The following FAM163B variants were observed in gnomAD, a reference collection of about 807,000 sequenced individuals.
FAM163B encodes the protein protein FAM163B.
In FAM163B, 4 loss-of-function variants were observed where a neutral mutation model predicts 7.6. That is an observed-to-expected ratio of 0.52 (90% CI 0.26 to 1.20). The LOEUF (loss-of-function observed/expected upper bound fraction) is 1.20, where lower values mean the gene tolerates loss of function less well. Among genes scored for constraint, FAM163B ranks in the 50% most tolerant of loss-of-function variants. The pLI, the probability that FAM163B is intolerant of heterozygous loss-of-function variation, is 0.14. For synonymous variants in FAM163B, 120 were observed against 111.6 expected (o/e 1.07, Z -0.47); for missense variants, 250 against 243.0 (o/e 1.03, Z -0.19).
intron 1 of FAM163B, among the ~76,000 whole-genome samples, chr9:133,587,777 C>G (rs113221983): frequency 6.6e-6 from 1 of 151,878 alleles, no homozygotes; most frequent in Non-Finnish European, 1.5e-5. Flanking sequence ...CTGAGGGAGG[C>G]GGGGCACTCA....
rs746205354 is a variant in FAM163B at position 133,579,167 on chromosome 9, TC to T, written c.355del (p.Glu119SerfsTer8). On this transcript the variant is annotated frameshift_variant, in exon 3 of 3. Coordinates refer to ENST00000673969, the MANE Select transcript of FAM163B (RefSeq NM_001080515.3). LOFTEE classifies it high-confidence loss of function. ...EEEEDVLNGG[E>X]RVLYKSVSQE... The stretch of plus-strand genomic sequence containing the variant: ...GCTCACGCTCTTGTAGAGCACGCGC[TC>T]CCCGCCGTTCAGCACGTCCTCTTCC... 1.2e-6 allele frequency: 2 copies of T among 1,610,272 alleles called. No individual in the cohort carries two copies. Among genetic ancestry groups the T allele is most frequent in the Admixed American group, 1.7e-5 (1 of 59,988 alleles).
In FAM163B at chr9:133,577,304, C is replaced by T. The variant is rs1189109743; in HGVS notation, c.*1718G>A. On this transcript the variant is annotated 3_prime_UTR_variant, in exon 3 of 3. Coordinates refer to ENST00000673969, the MANE Select transcript of FAM163B (RefSeq NM_001080515.3). ...CCACCCAGCCCACCCCCCACGCCAA[C>T]GCATCAGAAACAGACTTCACAGGAT... Among the ~76,000 whole-genome samples the T allele has an allele frequency of 3.0e-5, 4 of 131,552 alleles. No homozygotes were observed. Among genetic ancestry groups the T allele is most frequent in the Admixed American group, 2.7e-4 (3 of 11,006 alleles). 86.3% of individuals were successfully genotyped at this position (131,552 alleles called of 152,430 possible).
intron 1 of FAM163B, among the ~76,000 whole-genome samples, chr9:133,581,129 C>G (rs902258651): frequency 5.4e-4 from 83 of 152,320 alleles, no homozygotes; most frequent in African/African-American, 1.9e-3. Context: ...TGGAGTGATG[C>G]TGTCAGTGGC....
chr9:133,592,832 C>T (rs796237263), intron 1 of FAM163B, among the ~76,000 whole-genome samples: 30 of 152,184 alleles, frequency 2.0e-4, no homozygotes, highest in African/African-American at 5.8e-4. Context: ...GGATTCTGAC[C>T]GATGCTGCTG....
At chr9:133,603,779 G>GA (rs1831757978) in intron 1 of FAM163B, among the ~76,000 whole-genome samples, 1 of 152,188 alleles carries the variant, frequency 6.6e-6, no homozygotes, top group Non-Finnish European at 1.5e-5. Flanking sequence ...TGGGGCACCT[G>GA]CTACCTTGCA....
intron 1 of FAM163B, among the ~76,000 whole-genome samples, chr9:133,581,762 G>C (rs1284489882): frequency 1.3e-5 from 2 of 152,160 alleles, no homozygotes; most frequent in African/African-American, 2.4e-5. Flanking sequence ...CTCTAAACTG[G>C]CTTCCTGTTG....
In FAM163B at chr9:133,577,979, G is replaced by C. The variant is rs2131203317; in HGVS notation, c.*1043C>G. ...GGCCAGGCCTCCTAGGTCCTGCTGA[G>C]AAGCAGGTAGGGGAGGTGACCTGCA... On this transcript the variant is annotated 3_prime_UTR_variant, in exon 3 of 3. Transcript: ENST00000673969. 6.6e-6 allele frequency among the ~76,000 whole-genome samples: 1 copy of C among 152,328 alleles called. No individual in the cohort carries two copies. The highest frequency in any genetic ancestry group is 3.4e-3 in the Middle Eastern group (1 of 294).
At chr9:133,608,844 C>T (rs1181413666) in intron 1 of FAM163B, among the ~76,000 whole-genome samples, 1 of 152,240 alleles carries the variant, frequency 6.6e-6, no homozygotes, top group Admixed American at 6.5e-5. Flanking sequence ...AAGTGGGTCC[C>T]CCACCTCTCC....
At chr9:133,583,418 G>A (rs955936237) in intron 1 of FAM163B, among the ~76,000 whole-genome samples, 3 of 152,170 alleles carry the variant, frequency 2.0e-5, no homozygotes, top group African/African-American at 7.2e-5. Context: ...GTGCCAGCCT[G>A]GCTTTGCCTC....
rs1041481880 is a variant in FAM163B, at chr9:133,600,876, A to G, written c.-24+8201T>C. Among the ~76,000 whole-genome samples the G allele has an allele frequency of 1.3e-5, 2 of 152,078 alleles. No homozygotes were observed. The highest frequency in any genetic ancestry group is 4.8e-5 in the African/African-American group (2 of 41,410). ...ACCCCCTTTCCCCTCGCAAATAACA[A>G]TTCATCCAAGGCCATTAACTCAACT... is the stretch of plus-strand genomic sequence containing the variant. On this transcript the variant is annotated intron_variant, in intron 1 of 2. Coordinates refer to ENST00000673969, the MANE Select transcript of FAM163B (RefSeq NM_001080515.3). The surrounding 1 kb of genome is among the most constrained non-coding windows in gnomAD (Gnocchi z 4.9).
At chr9:133,581,664 GTTGT>G (rs1831358712) in intron 1 of FAM163B, among the ~76,000 whole-genome samples, 1 of 152,184 alleles carries the variant, frequency 6.6e-6, no homozygotes, top group Non-Finnish European at 1.5e-5. Flanking sequence ...GAGAAACTGG[GTTGT>G]TTATCTGACA....
intron 1 of FAM163B, among the ~76,000 whole-genome samples, chr9:133,590,263 C>CTTTT (rs1564193742): frequency 1.0e-5 from 1 of 97,434 alleles, no homozygotes; most frequent in Non-Finnish European, 2.3e-5. Flanking sequence ...TCTCTCCTTC[C>CTTTT]TTCCTTTTTT....
intron 1 of FAM163B, among the ~76,000 whole-genome samples, chr9:133,584,799 G>A (rs1831408541): frequency 6.6e-6 from 1 of 152,236 alleles, no homozygotes; most frequent in South Asian, 2.1e-4. Context: ...CTCGGAGGCA[G>A]AGCCATGCGG....
At chr9:133,604,748 G>C (rs553931108) in intron 1 of FAM163B, among the ~76,000 whole-genome samples, 2 of 150,372 alleles carry the variant, frequency 1.3e-5, no homozygotes, top group South Asian at 2.1e-4. Context: ...ATTTCTCACG[G>C]GTTCCTAGGG....
chr9:133,577,710 G>A lies in FAM163B; in HGVS notation c.*1312C>T, dbSNP rs924524439. ...GAGGGAAGGGGGCTCCTGGGGCCAGGCTGCTGAGAGGAAATAATTGCCTCT... is the reference window on the plus strand; with the variant it reads ...GAGGGAAGGGGGCTCCTGGGGCCAGACTGCTGAGAGGAAATAATTGCCTCT... On this transcript the variant is annotated 3_prime_UTR_variant, in exon 3 of 3. Transcript: ENST00000673969. 1.3e-5 allele frequency among the ~76,000 whole-genome samples: 2 copies of A among 152,246 alleles called. No homozygotes were observed. The highest frequency in any genetic ancestry group is 4.8e-5 in the African/African-American group (2 of 41,472).
chr9:133,583,894 G>T (rs1465075010), intron 1 of FAM163B, among the ~76,000 whole-genome samples: 1 of 152,310 alleles, frequency 6.6e-6, no homozygotes, highest in East Asian at 1.9e-4. Flanking sequence ...AGGCATGGCC[G>T]ACAGACACAC....
intron 1 of FAM163B, among the ~76,000 whole-genome samples, chr9:133,582,785 G>A (rs1157745505): frequency 4.6e-5 from 7 of 152,372 alleles, no homozygotes; most frequent in East Asian, 1.9e-4. Flanking sequence ...GACACTGGCC[G>A]GTCCCTGCTG....
chr9:133,607,355 C>T (rs193067766), intron 1 of FAM163B, among the ~76,000 whole-genome samples: 36 of 152,324 alleles, frequency 2.4e-4, no homozygotes, highest in African/African-American at 8.2e-4. Context: ...GCTGATGGTA[C>T]TGGCATGACA....
chr9:133,595,681 T>C lies in FAM163B; in HGVS notation c.-24+13396A>G, dbSNP rs545487020. Among the ~76,000 whole-genome samples the C allele has an allele frequency of 1.6e-3, 240 of 152,268 alleles. 1 individual carries two copies. The highest frequency in any genetic ancestry group is 5.7e-3 in the African/African-American group (237 of 41,540). Reference sequence around the variant, plus strand: ...ATGTCCACCCGTTCCCATTCCACCCTTCCCACAGTGGCTTCCCCCACTTTA... The same window carrying C: ...ATGTCCACCCGTTCCCATTCCACCCCTCCCACAGTGGCTTCCCCCACTTTA... On this transcript the variant is annotated intron_variant, in intron 1 of 2. Coordinates refer to ENST00000673969, the MANE Select transcript of FAM163B (RefSeq NM_001080515.3).
Sources: gnomAD v4.1 joint callset for allele counts (sites outside exome capture counted in the v4.1 genomes callset) on GRCh38, gnomAD v4.1.1 for gene constraint, Gnocchi (gnomAD v3.1) non-coding constraint, MANE v1.5 for transcripts, NCBI Gene and HGNC (gene_info 2026-07-23, HGNC 2026-07-21) for gene names.